The following HPSE2 variants were observed in gnomAD, a reference collection of about 807,000 sequenced individuals.
The protein encoded by HPSE2 is heparanase 2 (inactive), also known as inactive heparanase-2.
Under a neutral mutation model 60.5 loss-of-function variants are expected in HPSE2, and 38 were observed. The ratio of observed to expected loss-of-function variants is 0.63; its 90% confidence interval spans 0.48 to 0.82. The LOEUF is 0.82. HPSE2 is among the 40% of genes least tolerant of loss of function. The pLI is 0.00. For synonymous variants in HPSE2, 295 were observed against 293.2 expected (o/e 1.01, Z -0.06); for missense variants, 713 against 740.4 (o/e 0.96, Z 0.43).
At chr10:98,686,674 G>C (rs77862056) in intron 6 of HPSE2, among the ~76,000 whole-genome samples, 1 of 151,974 alleles carries the variant, frequency 6.6e-6, no homozygotes, top group Non-Finnish European at 1.5e-5. Context: ...CAAGTAGCTG[G>C]GATTACAGGC....
chr10:98,956,988 G>T (rs1245839211), intron 3 of HPSE2, among the ~76,000 whole-genome samples: 3 of 152,040 alleles, frequency 2.0e-5, no homozygotes, highest in Non-Finnish European at 1.5e-5. Flanking sequence ...AATTGAATGA[G>T]AGAGTGTGCA....
chr10:99,020,329 G>A (rs573029273), intron 3 of HPSE2, among the ~76,000 whole-genome samples: 30 of 152,138 alleles, frequency 2.0e-4, no homozygotes, highest in African/African-American at 6.0e-4. Flanking sequence ...ACTATTCAAC[G>A]AATGTATAGT....
At chr10:99,301,057 T>G in the HPSE2 span, among the ~76,000 whole-genome samples, 3 of 152,234 alleles carry the variant, frequency 2.0e-5, no homozygotes, top group South Asian at 6.2e-4. Flanking sequence ...CCTTACAATA[T>G]TGACCCAAGT....
chr10:98,823,799 C>T lies in HPSE2; in HGVS notation c.611-79743G>A, dbSNP rs114071926. 5.5e-3 allele frequency among the ~76,000 whole-genome samples: 838 copies of T among 152,110 alleles called. 4 individuals are homozygous for T. Among genetic ancestry groups the T allele is most frequent in the African/African-American group, 0.019 (793 of 41,498 alleles). On this transcript the variant is annotated intron_variant, in intron 3 of 11. Transcript: ENST00000370552. ...AGTCACAGTGAGACATTTTAACATACCTCTAACAATAACCTTTAGAAGCAG... is the reference window on the plus strand; with the variant it reads ...AGTCACAGTGAGACATTTTAACATATCTCTAACAATAACCTTTAGAAGCAG...
At chr10:98,756,934 A>G (rs1949892141) in intron 3 of HPSE2, among the ~76,000 whole-genome samples, 1 of 152,180 alleles carries the variant, frequency 6.6e-6, no homozygotes, top group Non-Finnish European at 1.5e-5. Context: ...CCTCAACAAA[A>G]TACTAGCAAA....
intron 6 of HPSE2, among the ~76,000 whole-genome samples, chr10:98,670,955 T>G (rs1475408312): frequency 6.6e-6 from 1 of 152,192 alleles, no homozygotes; most frequent in Non-Finnish European, 1.5e-5. Flanking sequence ...TTCTACAACT[T>G]GGTGTCTGAG....
At chr10:98,520,532 A>G (rs1379934737) in intron 9 of HPSE2, among the ~76,000 whole-genome samples, 1 of 152,218 alleles carries the variant, frequency 6.6e-6, no homozygotes, top group African/African-American at 2.4e-5. Context: ...CCTGCTCTCC[A>G]AAGTCCAAAC....
chr10:98,799,117 C>CA (rs1950847320), intron 3 of HPSE2, among the ~76,000 whole-genome samples: 1 of 151,620 alleles, frequency 6.6e-6, no homozygotes, highest in Non-Finnish European at 1.5e-5. Flanking sequence ...CAATGAAAAC[C>CA]AAAAAACAGC....
intron 2 of HPSE2, among the ~76,000 whole-genome samples, chr10:99,153,692 C>G (rs1272509746): frequency 6.6e-6 from 1 of 152,162 alleles, no homozygotes; most frequent in Non-Finnish European, 1.5e-5. Flanking sequence ...AAAAGCAGAG[C>G]GCCTCTCCTC....
the HPSE2 span, among the ~76,000 whole-genome samples, chr10:99,285,522 G>GT: frequency 7.2e-6 from 1 of 138,558 alleles, no homozygotes; most frequent in Non-Finnish European, 1.6e-5. Flanking sequence ...AAGGAGTAGG[G>GT]TGGAGGGAGG....
At chr10:99,135,233 T>G (rs1414477904) in intron 3 of HPSE2, among the ~76,000 whole-genome samples, 1 of 152,088 alleles carries the variant, frequency 6.6e-6, no homozygotes, top group Admixed American at 6.5e-5. Flanking sequence ...TACAAAGAGA[T>G]GTAGACTCCC....
chr10:98,733,398 A>T (rs1949275990), intron 4 of HPSE2, among the ~76,000 whole-genome samples: 1 of 152,190 alleles, frequency 6.6e-6, no homozygotes, highest in South Asian at 2.1e-4. Context: ...CTGGGATTAC[A>T]GGCATTAGCC....
chr10:99,007,818 G>A (rs868651526), intron 3 of HPSE2, among the ~76,000 whole-genome samples: 5 of 152,268 alleles, frequency 3.3e-5, no homozygotes, highest in Admixed American at 6.5e-5. Flanking sequence ...TGAGAAAGCA[G>A]GAGCAGTGAG....
intron 2 of HPSE2, among the ~76,000 whole-genome samples, chr10:99,152,043 GT>G (rs1846288018): frequency 6.6e-6 from 1 of 151,978 alleles, no homozygotes; most frequent in East Asian, 1.9e-4. Context: ...GCTGGGCACT[GT>G]GGCTCATGCC....
chr10:99,311,421 A>G, the HPSE2 span, among the ~76,000 whole-genome samples: 1 of 152,096 alleles, frequency 6.6e-6, no homozygotes, highest in Non-Finnish European at 1.5e-5. Context: ...CTTTTTTGTA[A>G]TTCTTGTTAA....
chr10:98,979,048 T>C (rs2135292598), intron 3 of HPSE2, among the ~76,000 whole-genome samples: 1 of 152,286 alleles, frequency 6.6e-6, no homozygotes, highest in Non-Finnish European at 1.5e-5. Context: ...GTGCTTTTTG[T>C]TGGTGATTCT....
chr10:98,725,708 C>G (rs905430851), intron 4 of HPSE2, among the ~76,000 whole-genome samples: 1 of 152,052 alleles, frequency 6.6e-6, no homozygotes, highest in African/African-American at 2.4e-5. Flanking sequence ...AGGCAACCTA[C>G]AAAATGGGAG....
intron 3 of HPSE2, among the ~76,000 whole-genome samples, chr10:98,965,719 T>C (rs1031970409): frequency 1.3e-5 from 2 of 152,202 alleles, no homozygotes; most frequent in African/African-American, 2.4e-5. Context: ...AAAGTGGTCA[T>C]TGCCTCTAGC....
chr10:98,494,978 C>A (rs1298917840), intron 9 of HPSE2, among the ~76,000 whole-genome samples: 1 of 152,098 alleles, frequency 6.6e-6, no homozygotes, highest in Non-Finnish European at 1.5e-5. Context: ...TTATTGAGAT[C>A]TTTATTTTTT....
Sources: allele counts gnomAD v4.1 joint callset (sites outside exome capture counted in the v4.1 genomes callset), GRCh38; gene constraint gnomAD v4.1.1; transcripts MANE v1.5; gene names NCBI Gene and HGNC (gene_info 2026-07-23, HGNC 2026-07-21).